Variants in MDGA2 observed in about 807,000 individuals in gnomAD.
The protein encoded by MDGA2 is MAM domain containing glycosylphosphatidylinositol anchor 2.
Under a neutral mutation model 117.8 loss-of-function variants are expected in MDGA2, and 40 were observed. That is an observed-to-expected ratio of 0.34 (90% confidence interval 0.26 to 0.44). The LOEUF is 0.44. MDGA2 is among the 20% of genes least tolerant of loss of function. MDGA2 has a pLI of 1.00. For missense variants in MDGA2, 1,123 were observed against 1,250.6 expected (o/e 0.90, Z 1.54); for synonymous variants, 452 against 439.0 (o/e 1.03, Z -0.37).
chr14:47,272,292 A>G (rs1426808230), intron 2 of MDGA2, among the ~76,000 whole-genome samples: 1 of 152,122 alleles, frequency 6.6e-6, no homozygotes, highest in East Asian at 1.9e-4. Flanking sequence ...TCTCTATTGC[A>G]CAGATGAAGA....
At chr14:47,446,079 C>T (rs2138559003) in intron 1 of MDGA2, among the ~76,000 whole-genome samples, 1 of 152,112 alleles carries the variant, frequency 6.6e-6, no homozygotes. Flanking sequence ...TCTCACAAAC[C>T]CACGCCTATG....
chr14:47,363,242 G>A lies in MDGA2; in HGVS notation c.281-61692C>T, dbSNP rs1037139966. ...TGTATCAAATTATTTATTTATTTAT[G>A]TGTTTAATTTATTTATTTTTATTTT... is the stretch of plus-strand genomic sequence containing the variant. On this transcript the variant is annotated intron_variant, in intron 1 of 16. Transcript: ENST00000399232. 3.9e-5 allele frequency among the ~76,000 whole-genome samples: 6 copies of A among 152,002 alleles called. No homozygotes were observed. The East Asian group carries it at 5.8e-4, about 15-fold the overall frequency.
intron 1 of MDGA2, among the ~76,000 whole-genome samples, chr14:47,459,616 G>C (rs1893441283): frequency 6.6e-6 from 1 of 150,428 alleles, no homozygotes; most frequent in African/African-American, 2.4e-5. Flanking sequence ...CCTTTGTGCA[G>C]GTGTGGGTTT....
chr14:46,955,739 T>C (rs1350596530), intron 9 of MDGA2, among the ~76,000 whole-genome samples: 1 of 145,842 alleles, frequency 6.9e-6, no homozygotes, highest in Non-Finnish European at 1.5e-5. Flanking sequence ...TTTCGGTGTA[T>C]AGGTAGATCA....
chr14:47,120,780 G>A (rs1332710719), intron 5 of MDGA2, among the ~76,000 whole-genome samples: 1 of 152,104 alleles, frequency 6.6e-6, no homozygotes, highest in Non-Finnish European at 1.5e-5. Flanking sequence ...CTTCTCTCCT[G>A]TTAGTCCTTA....
At chr14:46,846,866 T>C (rs2138275026) in intron 15 of MDGA2, among the ~76,000 whole-genome samples, 1 of 152,224 alleles carries the variant, frequency 6.6e-6, no homozygotes, top group East Asian at 1.9e-4. Context: ...CTAACATCAA[T>C]CTGGTAATGT....
At chr14:47,609,037 C>T (rs1287961938) in intron 1 of MDGA2, among the ~76,000 whole-genome samples, 1 of 151,880 alleles carries the variant, frequency 6.6e-6, no homozygotes, top group Admixed American at 6.6e-5. Flanking sequence ...GAAAATCAGG[C>T]ATTCAGTTCT....
chr14:46,989,283 A>AAC (rs1460356442), intron 8 of MDGA2, among the ~76,000 whole-genome samples: 1 of 151,894 alleles, frequency 6.6e-6, no homozygotes, highest in Non-Finnish European at 1.5e-5. Context: ...AGGAAAATGG[A>AAC]ACTCCCCCCA....
intron 1 of MDGA2, among the ~76,000 whole-genome samples, chr14:47,372,315 G>T (rs1891378998): frequency 2.0e-5 from 3 of 151,694 alleles, no homozygotes; most frequent in Admixed American, 2.0e-4. Flanking sequence ...TAAAATATTT[G>T]CAGCACAAAT....
chr14:47,115,177 G>C (rs1238127159), intron 5 of MDGA2, among the ~76,000 whole-genome samples: 3 of 152,010 alleles, frequency 2.0e-5, no homozygotes, highest in South Asian at 4.1e-4. Flanking sequence ...CATTACAACT[G>C]TCAATTACTT....
intron 6 of MDGA2, among the ~76,000 whole-genome samples, chr14:47,079,940 T>G (rs913618763): frequency 6.6e-5 from 10 of 151,806 alleles, no homozygotes; most frequent in Admixed American, 5.2e-4. Context: ...ACCGTGTTAG[T>G]CAGGATGGTC....
intron 1 of MDGA2, among the ~76,000 whole-genome samples, chr14:47,465,419 C>T (rs1294587662): frequency 4.6e-5 from 7 of 151,992 alleles, no homozygotes; most frequent in African/African-American, 1.7e-4. Flanking sequence ...AAGAAAATTT[C>T]TGCAATCTAT....
At position 47,537,573 on chromosome 14, in the gene MDGA2, T is replaced by TAAAAAAAAAAAA. The variant is rs1566504353; in HGVS notation, c.280+136943_280+136944insTTTTTTTTTTTT. On this transcript the variant is annotated intron_variant, in intron 1 of 16. Transcript: ENST00000399232. ...ATTATCCACTGTTACCTTCTCTCTG[T>TAAAAAAAAAAAA]TAAAAAAAAAAAAAAAAAAAAAAAA... Among the ~76,000 whole-genome samples the TAAAAAAAAAAAA allele has an allele frequency of 2.3e-4, 13 of 57,100 alleles. 1 individual carries two copies. Among genetic ancestry groups the TAAAAAAAAAAAA allele is most frequent in the East Asian group, 6.2e-4 (1 of 1,614 alleles). The allele number at this position is 57,100 out of a possible 152,430, so 37.5% of individuals were successfully genotyped here.
intron 13 of MDGA2, chr14:46,873,804 A>T (rs1882113692): frequency 3.4e-6 from 2 of 581,640 alleles, no homozygotes; most frequent in African/African-American, 3.9e-5. Context: ...ATGTATAAAA[A>T]GTTGAAATTT....
chr14:47,263,405 T>C (rs962362046), intron 2 of MDGA2, among the ~76,000 whole-genome samples: 1 of 152,126 alleles, frequency 6.6e-6, no homozygotes, highest in African/African-American at 2.4e-5. Flanking sequence ...TGAAGCCATA[T>C]TTTTCAAGCT....
intron 1 of MDGA2, among the ~76,000 whole-genome samples, chr14:47,537,017 C>G (rs1441031231): frequency 6.6e-6 from 1 of 151,944 alleles, no homozygotes; most frequent in Non-Finnish European, 1.5e-5. Context: ...GTAATTAAAG[C>G]TTATAGACCA....
At chr14:47,541,900 G>T (rs1336223155) in intron 1 of MDGA2, among the ~76,000 whole-genome samples, 1 of 152,118 alleles carries the variant, frequency 6.6e-6, no homozygotes, top group Non-Finnish European at 1.5e-5. Flanking sequence ...ATCACACAAG[G>T]CTCCTTTGTC....
chr14:47,079,792 C>T (rs949673447), intron 6 of MDGA2, among the ~76,000 whole-genome samples: 6 of 122,216 alleles, frequency 4.9e-5, no homozygotes, highest in African/African-American at 1.3e-4. Flanking sequence ...AGTGCAGTGG[C>T]GCAATCTCGG....
intron 14 of MDGA2, among the ~76,000 whole-genome samples, chr14:46,866,060 C>G (rs896006537): frequency 2.0e-5 from 3 of 148,040 alleles, no homozygotes; most frequent in African/African-American, 7.5e-5. Context: ...TCATATGGAA[C>G]CAAAAAAGAG....
Sources: allele counts gnomAD v4.1 joint callset (sites outside exome capture counted in the v4.1 genomes callset), GRCh38; gene constraint gnomAD v4.1.1; transcripts MANE v1.5; gene names NCBI Gene and HGNC (gene_info 2026-07-23, HGNC 2026-07-21).